The following PFKFB2 variants were observed in gnomAD, a reference collection of about 807,000 sequenced individuals.
PFKFB2 encodes the protein 6-phosphofructo-2-kinase/fructose-2,6-bisphosphatase 2.
In PFKFB2, 53 loss-of-function variants were observed where a neutral mutation model predicts 68.0. The observed-to-expected ratio is 0.78, with a 90% CI of 0.63 to 0.98. The LOEUF (loss-of-function observed/expected upper bound fraction) is 0.98. PFKFB2 is among the 50% of genes least tolerant of loss of function. The probability of loss-of-function intolerance (pLI) is 0.00; values close to 1 mark genes in which losing one functional copy is unlikely to be tolerated. For synonymous variants in PFKFB2, 222 were observed against 227.6 expected (o/e 0.98, Z 0.22); for missense variants, 451 against 642.0 (o/e 0.70, Z 3.22).
chr1:207,069,320 C>A, intron 10 of PFKFB2, 104 bp from the exon 11 acceptor site: 1 of 769,712 alleles, frequency 1.3e-6, no homozygotes, highest in Non-Finnish European at 2.3e-6. Flanking sequence ...GTGCCTGGCA[C>A]GTACTAAGAA....
Position 207,077,521 on chromosome 1 carries a change from G to A in PFKFB2, c.*5150G>A, listed in dbSNP as rs529215249. The stretch of plus-strand genomic sequence containing the variant: ...TTTGCTATGGCAAAATCAAAGGGCT[G>A]ATCATACATGGTGCCCTTTGGGAAG... On this transcript the variant is annotated 3_prime_UTR_variant, in exon 15 of 15. Transcript: ENST00000367080. 1 of 985,726 alleles carries A rather than the reference G, an allele frequency of 1.0e-6. No homozygotes were observed. Among genetic ancestry groups the A allele is most frequent in the Non-Finnish European group, 1.2e-6 (1 of 829,904 alleles). The allele number at this position is 985,726 out of a possible 1,614,324, so 61.1% of individuals were successfully genotyped here. A position where few individuals can be genotyped will look rare whatever the true frequency, so the allele number is the denominator to read the frequency against.
upstream of PFKFB2, chr1:207,051,204 C>T (rs1415631744): frequency 3.9e-6 from 5 of 1,275,118 alleles, no homozygotes; most frequent in African/African-American, 7.7e-5. Flanking sequence ...ACCTATAGAG[C>T]GAGTGAGGTG....
intron 2 of PFKFB2, among the ~76,000 whole-genome samples, chr1:207,057,380 A>G (rs1425888369): frequency 2.1e-5 from 3 of 144,584 alleles, no homozygotes; most frequent in Admixed American, 6.9e-5. Flanking sequence ...CGGGAAGCTG[A>G]GGCAGGAGAA....
At chr1:207,067,773 T>C in intron 9 of PFKFB2, 67 bp downstream of exon 9, 2 of 1,262,978 alleles carry the variant, frequency 1.6e-6, no homozygotes, top group East Asian at 2.3e-5. Context: ...TGAGGTCATA[T>C]ATTTTATCTC....
chr1:207,040,538 T>A (rs1349929487), intron 1 of PFKFB2, among the ~76,000 whole-genome samples: 2 of 152,238 alleles, frequency 1.3e-5, no homozygotes, highest in African/African-American at 2.4e-5. Context: ...TAGGAATTCT[T>A]GAATTCATTT....
rs1385649945 is a variant in PFKFB2 at position 207,077,167 on chromosome 1, G to A, written c.*4796G>A. On this transcript the variant is annotated 3_prime_UTR_variant, in exon 15 of 15. Transcript: ENST00000367080. ...CATCCAGTCCCCTGCTTTAGGGCAGGACTTCAGTTCCACTGTTCATTTCTG... is the reference window on the plus strand; with the variant it reads ...CATCCAGTCCCCTGCTTTAGGGCAGAACTTCAGTTCCACTGTTCATTTCTG... The A allele has an allele frequency of 1.3e-5, 13 of 981,740 alleles. No homozygotes were observed. The highest frequency in any genetic ancestry group is 1.6e-5 in the Non-Finnish European group (13 of 829,888). 60.8% of individuals were successfully genotyped at this position (981,740 alleles called of 1,614,324 possible).
chr1:207,041,599 G>A (rs1315075477), intron 1 of PFKFB2, among the ~76,000 whole-genome samples: 1 of 152,202 alleles, frequency 6.6e-6, no homozygotes, highest in Non-Finnish European at 1.5e-5. Context: ...ATTCCATGGT[G>A]TATATGTGCC....
chr1:207,057,302 C>CAAAAAAAAAAAAAAAAAAAAAAA (rs748726221), intron 2 of PFKFB2, among the ~76,000 whole-genome samples: 4 of 40,400 alleles, frequency 9.9e-5, no homozygotes, highest in African/African-American at 1.8e-4. Context: ...AAAAAAACTA[C>CAAAAAAAAAAAAAAAAAAAAAAA]AAAAAAAAAA....
At position 207,076,420 on chromosome 1, in the gene PFKFB2, G is replaced by A. The variant is rs1572740855; in HGVS notation, c.*4049G>A. ...CTTTGCCAAGCCCAGAAGCCATGTT[G>A]TGTTCATTGTTAAGAAATTTGATAG... On this transcript the variant is annotated 3_prime_UTR_variant, in exon 15 of 15. Coordinates refer to ENST00000367080, the MANE Select transcript of PFKFB2 (RefSeq NM_006212.2). 4.1e-6 allele frequency: 4 copies of A among 985,034 alleles called. No individual in the cohort carries two copies. Among genetic ancestry groups the A allele is most frequent in the Non-Finnish European group, 3.6e-6 (3 of 829,720 alleles). 61.0% of individuals were successfully genotyped at this position (985,034 alleles called of 1,614,324 possible). A position where few individuals can be genotyped will look rare whatever the true frequency, so the allele number is the denominator to read the frequency against.
At chr1:207,039,851 G>A (rs1254491816) in intron 1 of PFKFB2, among the ~76,000 whole-genome samples, 1 of 152,214 alleles carries the variant, frequency 6.6e-6, no homozygotes, top group African/African-American at 2.4e-5. Flanking sequence ...CTGGTGTGTT[G>A]TGTCCAACAT....
intron 1 of PFKFB2, among the ~76,000 whole-genome samples, chr1:207,037,828 C>T (rs1682405822): frequency 6.6e-6 from 1 of 152,148 alleles, no homozygotes; most frequent in African/African-American, 2.4e-5. Context: ...GCAGTTTAAA[C>T]TTTATAATTC....
chr1:207,064,399 A>G (rs114130383), intron 7 of PFKFB2, among the ~76,000 whole-genome samples: 2,208 of 151,170 alleles, frequency 0.015, 44 homozygotes, highest in African/African-American at 0.051. Flanking sequence ...GAGTGAGAAC[A>G]TGTCTCAAAA....
rs1683629061 is a variant in PFKFB2, at chr1:207,076,556, C to G, written c.*4185C>G. The G allele has an allele frequency of 1.0e-6, 1 of 975,168 alleles. No homozygotes were observed. Among genetic ancestry groups the G allele is most frequent in the Non-Finnish European group, 1.2e-6 (1 of 825,740 alleles). 60.4% of individuals were successfully genotyped at this position (975,168 alleles called of 1,614,324 possible). A position where few individuals can be genotyped will look rare whatever the true frequency, so the allele number is the denominator to read the frequency against. ...CTTTCCCTGAAGGTGACACAGATGT[C>G]AGAATTGTGTCCAGGGATTTAATTT... is the stretch of plus-strand genomic sequence containing the variant. On this transcript the variant is annotated 3_prime_UTR_variant, in exon 15 of 15. Transcript: ENST00000367080.
At chr1:207,067,407 G>C (rs919109913) in intron 8 of PFKFB2, 92 bp from the exon 9 acceptor site, 5 of 851,920 alleles carry the variant, frequency 5.9e-6, no homozygotes, top group Non-Finnish European at 9.5e-6. Flanking sequence ...GCAGCTGTGA[G>C]CCTGCAAGTC....
At position 207,077,622 on chromosome 1, in the gene PFKFB2, A is replaced by T. The variant is rs559206876; in HGVS notation, c.*5251A>T. On this transcript the variant is annotated 3_prime_UTR_variant, in exon 15 of 15. Coordinates refer to ENST00000367080, the MANE Select transcript of PFKFB2 (RefSeq NM_006212.2). ...TTGGGAAGCCTAGGAAGAGAGTTCT[A>T]CTGTAGATTTCCTAGGCACTGCTCT... 4.4e-5 allele frequency: 43 copies of T among 985,618 alleles called. No homozygotes were observed. Among genetic ancestry groups the T allele is most frequent in the Non-Finnish European group, 4.8e-5 (40 of 829,854 alleles). The allele number at this position is 985,618 out of a possible 1,614,324, so 61.1% of individuals were successfully genotyped here.
chr1:207,047,581 T>C (rs1682629447), intron 2 of PFKFB2: 2 of 152,738 alleles, frequency 1.3e-5, no homozygotes, highest in Admixed American at 6.5e-5. Context: ...TGTGAGATAA[T>C]ACATAACAAA....
At position 207,074,670 on chromosome 1, in the gene PFKFB2, CTT is replaced by C; in HGVS notation, c.*2301_*2302del. ...TGGTTACATAACATGTACTTAGTGT[CTT>C]TGTGGAGCTTTGGGCTGGTAGGGGC... On this transcript the variant is annotated 3_prime_UTR_variant, in exon 15 of 15. Transcript: ENST00000367080. The C allele has an allele frequency of 5.1e-6, 5 of 985,378 alleles. No homozygotes were observed. Among genetic ancestry groups the C allele is most frequent in the Non-Finnish European group, 6.0e-6 (5 of 829,912 alleles). The allele number at this position is 985,378 out of a possible 1,614,324, so 61.0% of individuals were successfully genotyped here. A position where few individuals can be genotyped will look rare whatever the true frequency, so the allele number is the denominator to read the frequency against.
Position 207,077,588 on chromosome 1 carries a change from T to C in PFKFB2, c.*5217T>C, listed in dbSNP as rs1005670442. On this transcript the variant is annotated 3_prime_UTR_variant, in exon 15 of 15. Coordinates refer to ENST00000367080, the MANE Select transcript of PFKFB2 (RefSeq NM_006212.2). ...TGAGCACCTCTGGGTTGAATGGGAA[T>C]GGGTCAGATTGGGAAGCCTAGGAAG... The C allele has an allele frequency of 1.0e-5, 10 of 985,646 alleles. No individual in the cohort carries two copies. In the African/African-American group the frequency reaches 1.2e-4, roughly 12 times the overall value. The allele number at this position is 985,646 out of a possible 1,614,324, so 61.1% of individuals were successfully genotyped here.
Position 207,072,087 on chromosome 1 carries a change from G to T in PFKFB2, c.1351-117G>T. ...TGGGCCATGCCCTGTGAGGGACCCTGTGTGCAGAGGAGCAGGAGTGAGGGA... is the reference window on the plus strand; with the variant it reads ...TGGGCCATGCCCTGTGAGGGACCCTTTGTGCAGAGGAGCAGGAGTGAGGGA... On this transcript the variant is annotated intron_variant, in intron 14 of 14. Coordinates refer to ENST00000367080, the MANE Select transcript of PFKFB2 (RefSeq NM_006212.2). 5 of 1,511,630 alleles carry T rather than the reference G, an allele frequency of 3.3e-6. No individual in the cohort carries two copies. In the South Asian group the frequency reaches 4.0e-5, roughly 12 times the overall value. The allele number at this position is 1,511,630 out of a possible 1,614,324, so 93.6% of individuals were successfully genotyped here. A position where few individuals can be genotyped will look rare whatever the true frequency, so the allele number is the denominator to read the frequency against.
Sources: allele counts gnomAD v4.1 joint callset (sites outside exome capture counted in the v4.1 genomes callset), GRCh38; gene constraint gnomAD v4.1.1; transcripts MANE v1.5; gene names NCBI Gene and HGNC (gene_info 2026-07-23, HGNC 2026-07-21).